The following CLU variants were observed in gnomAD, a reference collection of about 807,000 sequenced individuals.
CLU encodes the protein aging-associated protein 4.
In CLU, 25 loss-of-function variants were observed where a neutral mutation model predicts 46.4. The observed-to-expected ratio is 0.54, with a 90% CI of 0.39 to 0.75. The LOEUF is 0.75. Among genes scored for constraint, CLU ranks in the 30% least tolerant of loss-of-function variants. The pLI is 0.00. For synonymous variants in CLU, 235 were observed against 235.1 expected, an observed-to-expected ratio of 1.00 and a Z score of 0.00; for missense variants, 504 against 592.1, an observed-to-expected ratio of 0.85 and a Z score of 1.54.
Position 27,599,960 on chromosome 8 carries a change from G to A in CLU, c.984C>T (p.Asp328=), listed in dbSNP as rs9331939. The A allele has an allele frequency of 9.7e-3, 15,672 of 1,614,184 alleles. 112 individuals are homozygous for A. Among genetic ancestry groups the A allele is most frequent in the South Asian group, 0.022 (2,039 of 91,084 alleles). ...PSQAKLRREL[D]ESLQVAERLT... ...ACCTCTCAGCGACCTGGAGGGATTC[G>A]TCGAGCTCCCGCCGCAGCTTAGCCT... Residue 328 remains aspartate, a synonymous_variant, in exon 7 of 9, where the codon GAC becomes GAT. Coordinates refer to ENST00000316403, the MANE Select transcript of CLU (RefSeq NM_001831.4). The surrounding 1 kb of genome is among the most constrained non-coding windows in gnomAD (Gnocchi z 4.0).
chr8:27,600,778 C>T (rs1325255479), intron 6 of CLU, among the ~76,000 whole-genome samples: 1 of 152,148 alleles, frequency 6.6e-6, no homozygotes, highest in Non-Finnish European at 1.5e-5. Flanking sequence ...GCACTGCCTT[C>T]GTCCCAGACA....
At position 27,598,151 on chromosome 8, in the gene CLU, A is replaced by G; in HGVS notation, c.*90T>C. Reference sequence around the variant, plus strand: ...GAGGCTGGGGCCTGGTTACTTGGTGACGTGCAGAGCTCTCTCTGGGGGGCT... The same window carrying G: ...GAGGCTGGGGCCTGGTTACTTGGTGGCGTGCAGAGCTCTCTCTGGGGGGCT... On this transcript the variant is annotated 3_prime_UTR_variant, in exon 9 of 9. Transcript: ENST00000316403. 1.5e-6 allele frequency: 2 copies of G among 1,372,030 alleles called. No homozygotes were observed. The highest frequency in any genetic ancestry group is 2.1e-6 in the Non-Finnish European group (2 of 966,926). The allele number at this position is 1,372,030 out of a possible 1,614,324, so 85.0% of individuals were successfully genotyped here.
chr8:27,607,564 AT>A lies in CLU; in HGVS notation c.247-1041del, dbSNP rs199931914. Among the ~76,000 whole-genome samples the A allele has an allele frequency of 3.7e-4, 57 of 152,304 alleles. 1 individual carries two copies. In the East Asian group the frequency reaches 0.01, roughly 27 times the overall value. ...AAAGGATGTTTATAGTCCATTTTGAATATTATATGTTAAAAATTCATAATTT... is the reference window on the plus strand; with the variant it reads ...AAAGGATGTTTATAGTCCATTTTGAAATTATATGTTAAAAATTCATAATTT... On this transcript the variant is annotated intron_variant, in intron 3 of 8. Coordinates refer to ENST00000316403, the MANE Select transcript of CLU (RefSeq NM_001831.4).
Position 27,608,954 on chromosome 8 carries a change from GCTT to G in CLU, c.227_229del (p.Glu76del), listed in dbSNP as rs1800872927. 1 of 1,614,038 alleles carries G rather than the reference GCTT, an allele frequency of 6.2e-7. No homozygotes were observed. On this transcript the variant is annotated inframe_deletion, in exon 3 of 9. Coordinates refer to ENST00000316403, the MANE Select transcript of CLU (RefSeq NM_001831.4). ...CCTCCTGACCTCTTTCTTCTTCTTG[GCTT>G]CTTCTAGGTTGCTGAGCAGTGTCTT...
chr8:27,611,788 G>T, intron 1 of CLU: 1 of 456,600 alleles, frequency 2.2e-6, no homozygotes, highest in Non-Finnish European at 4.4e-6. Context: ...TGGGGTCAGC[G>T]CCTTCCCCAG....
intron 1 of CLU, among the ~76,000 whole-genome samples, chr8:27,613,261 C>G (rs73231005): frequency 0.22 from 33,239 of 151,958 alleles, 4,091 homozygotes; most frequent in East Asian, 0.29. Context: ...GCAGCATGCG[C>G]CTGTAGTCCC....
chr8:27,610,042 C>T (rs1379323056), intron 2 of CLU, among the ~76,000 whole-genome samples: 1 of 152,080 alleles, frequency 6.6e-6, no homozygotes, highest in Non-Finnish European at 1.5e-5. Flanking sequence ...GTGAAACAGA[C>T]TCACACCCAT....
chr8:27,610,888 G>A (rs1201521218), intron 1 of CLU: 2 of 416,136 alleles, frequency 4.8e-6, no homozygotes, highest in Non-Finnish European at 9.1e-6. Flanking sequence ...TCTTGTCCAA[G>A]CCACATCCTC....
chr8:27,597,434 C>G lies in CLU; in HGVS notation c.*807G>C. Reference sequence around the variant, plus strand: ...GAAGATCATATAAACCGGCGGTGGACAGGAAATGCCACAGTCAAGAAGATG... The same window carrying G: ...GAAGATCATATAAACCGGCGGTGGAGAGGAAATGCCACAGTCAAGAAGATG... On this transcript the variant is annotated 3_prime_UTR_variant, in exon 9 of 9. Transcript: ENST00000316403. 4.4e-6 allele frequency: 2 copies of G among 454,430 alleles called. No individual in the cohort carries two copies. Among genetic ancestry groups the G allele is most frequent in the South Asian group, 1.6e-5 (1 of 64,480 alleles). The allele number at this position is 454,430 out of a possible 1,614,324, so 28.1% of individuals were successfully genotyped here. A position where few individuals can be genotyped will look rare whatever the true frequency, so the allele number is the denominator to read the frequency against.
At position 27,597,377 on chromosome 8, in the gene CLU, C is replaced by T. The variant is rs1278316779; in HGVS notation, c.*864G>A. The T allele has an allele frequency of 2.2e-6, 1 of 454,482 alleles. No homozygotes were observed. Among genetic ancestry groups the T allele is most frequent in the Non-Finnish European group, 4.4e-6 (1 of 226,778 alleles). 28.2% of individuals were successfully genotyped at this position (454,482 alleles called of 1,614,324 possible). On this transcript the variant is annotated 3_prime_UTR_variant, in exon 9 of 9. Coordinates refer to ENST00000316403, the MANE Select transcript of CLU (RefSeq NM_001831.4). ...GCCCAGCTATGGTTCAGACTAAAAG[C>T]CGAGAAACGCCTGTGGTCCAGGGAA...
rs761507083 is a variant in CLU, at chr8:27,610,578, A to T, written c.-7T>A. On this transcript the variant is annotated 5_prime_UTR_variant, in exon 2 of 9. Coordinates refer to ENST00000316403, the MANE Select transcript of CLU (RefSeq NM_001831.4). ...GCAGCAGAGTCTTCATCATGCCTCC[A>T]ATTCTGGAGTCTTTGCACGCCTCTG... 7 of 1,613,958 alleles carry T rather than the reference A, an allele frequency of 4.3e-6. No individual in the cohort carries two copies. Among genetic ancestry groups the T allele is most frequent in the Middle Eastern group, 1.6e-4 (1 of 6,062 alleles).
At chr8:27,611,833 G>T (rs1203701259) in intron 1 of CLU, 2 of 449,828 alleles carry the variant, frequency 4.4e-6, no homozygotes, top group Non-Finnish European at 8.9e-6. Context: ...GGCTCACCAG[G>T]AAGGCTGTGG....
intron 1 of CLU, among the ~76,000 whole-genome samples, chr8:27,612,392 C>T (rs1315910541): frequency 1.3e-5 from 2 of 152,184 alleles, no homozygotes; most frequent in East Asian, 1.9e-4. Flanking sequence ...GTTCTGTAAA[C>T]ACGAGGGTCT....
chr8:27,605,921 T>C (rs1053280989), intron 4 of CLU, among the ~76,000 whole-genome samples: 1 of 152,038 alleles, frequency 6.6e-6, no homozygotes, highest in African/African-American at 2.4e-5. Flanking sequence ...GTGCCTGTAG[T>C]CCCAGCTACT....
intron 3 of CLU, among the ~76,000 whole-genome samples, chr8:27,607,065 C>T (rs1800835276): frequency 6.6e-6 from 1 of 152,162 alleles, no homozygotes; most frequent in African/African-American, 2.4e-5. Context: ...AGGCCAGGTG[C>T]GGCAGCTGAC....
chr8:27,614,193 C>G (rs1300746654), intron 1 of CLU: 2 of 153,592 alleles, frequency 1.3e-5, no homozygotes, highest in African/African-American at 2.4e-5. Context: ...GTCCAGAGAG[C>G]TAGAGAATTT....
rs759942703 is a variant in CLU at position 27,606,554 on chromosome 8, A to G, written c.247-30T>C. The G allele has an allele frequency of 2.5e-6, 4 of 1,613,614 alleles. No individual in the cohort carries two copies. In the Admixed American group the frequency reaches 6.7e-5, roughly 27 times the overall value. ...AGGAAGACACAAGGCTGGCTGAGCC[A>G]CACAGAGACCACAGGCTCATGCACT... On this transcript the variant is annotated intron_variant, in intron 3 of 8. Transcript: ENST00000316403.
At chr8:27,605,983 T>C (rs750262718) in intron 4 of CLU, among the ~76,000 whole-genome samples, 1 of 151,144 alleles carries the variant, frequency 6.6e-6, no homozygotes, top group Non-Finnish European at 1.5e-5. Context: ...GAAGCTGCAG[T>C]GAAACATGAT....
chr8:27,607,369 C>CAAAACA (rs1179367779), intron 3 of CLU, among the ~76,000 whole-genome samples: 6 of 146,104 alleles, frequency 4.1e-5, no homozygotes, highest in African/African-American at 7.5e-5. Flanking sequence ...CAAAACAAAA[C>CAAAACA]AAAGACTCTA....
Sources: gnomAD v4.1 joint callset for allele counts (sites outside exome capture counted in the v4.1 genomes callset) on GRCh38, gnomAD v4.1.1 for gene constraint, Gnocchi (gnomAD v3.1) non-coding constraint, MANE v1.5 for transcripts, NCBI Gene and HGNC (gene_info 2026-07-23, HGNC 2026-07-21) for gene names.